LRRTM4: variants seen among roughly 807,000 people sequenced by gnomAD.
LRRTM4 encodes the protein leucine rich repeat transmembrane neuronal 4.
A neutral mutation model predicts 47.6 loss-of-function variants in LRRTM4; 25 were observed. The observed-to-expected ratio is 0.53, with a 90% CI of 0.38 to 0.73. The LOEUF (loss-of-function observed/expected upper bound fraction) is 0.73. Among genes scored for constraint, LRRTM4 ranks in the 30% least tolerant of loss-of-function variants. LRRTM4 has a pLI of 0.00. For missense variants in LRRTM4, 638 were observed against 713.4 expected, an observed-to-expected ratio of 0.89 and a Z score of 1.20; for synonymous variants, 311 against 269.5, an observed-to-expected ratio of 1.15 and a Z score of -1.51.
chr2:77,217,446 T>TATATATATATATAC (rs1674486294), intron 3 of LRRTM4, among the ~76,000 whole-genome samples: 1 of 130,692 alleles, frequency 7.7e-6, no homozygotes, highest in East Asian at 2.2e-4. Flanking sequence ...ATGAAATATA[T>TATATATATATATAC]ATATATATAT....
rs150252583 is a variant in LRRTM4, at chr2:77,170,840, T to TTATA, written c.1551+347474_1551+347477dup. ...TATGTATGTATGTTTGTATAAAACCTTATATATATATATATACTTTATTTA... is the reference window on the plus strand; with the variant it reads ...TATGTATGTATGTTTGTATAAAACCTTATATATATATATATATATACTTTATTTA... On this transcript the variant is annotated intron_variant, in intron 3 of 3. Coordinates refer to ENST00000409884, the MANE Select transcript of LRRTM4 (RefSeq NM_001134745.3). Among the ~76,000 whole-genome samples the TTATA allele has an allele frequency of 9.8e-3, 1,462 of 149,234 alleles. 28 individuals are homozygous for TTATA. Among genetic ancestry groups the TTATA allele is most frequent in the African/African-American group, 0.035 (1,409 of 40,810 alleles).
At chr2:77,054,309 C>A (rs907386956) in intron 3 of LRRTM4, among the ~76,000 whole-genome samples, 1 of 151,554 alleles carries the variant, frequency 6.6e-6, no homozygotes, top group East Asian at 1.9e-4. Flanking sequence ...TTACATTGTA[C>A]ATTGTTCAAA....
At chr2:76,945,980 CATG>C (rs1675310054) in intron 3 of LRRTM4, among the ~76,000 whole-genome samples, 1 of 151,766 alleles carries the variant, frequency 6.6e-6, no homozygotes, top group Admixed American at 6.6e-5. Flanking sequence ...TTAAAATAGC[CATG>C]ATATTTTAAC....
chr2:77,298,599 G>A (rs900480969), intron 3 of LRRTM4, among the ~76,000 whole-genome samples: 1 of 152,136 alleles, frequency 6.6e-6, no homozygotes, highest in African/African-American at 2.4e-5. Context: ...TGGAACCCAT[G>A]AACAGATGTC....
chr2:76,875,830 A>G (rs1488881968), intron 3 of LRRTM4, among the ~76,000 whole-genome samples: 2 of 152,130 alleles, frequency 1.3e-5, no homozygotes, highest in African/African-American at 4.8e-5. Context: ...ATTCTTTCAA[A>G]GGCATCAATG....
At chr2:76,909,933 T>C (rs546796840) in intron 3 of LRRTM4, among the ~76,000 whole-genome samples, 108 of 152,302 alleles carry the variant, frequency 7.1e-4, no homozygotes, top group Non-Finnish European at 3.1e-4. Context: ...TGGAAGTCAG[T>C]GTGGTGATTC....
chr2:77,160,975 A>C (rs746194632), intron 3 of LRRTM4, among the ~76,000 whole-genome samples: 1 of 152,144 alleles, frequency 6.6e-6, no homozygotes, highest in Non-Finnish European at 1.5e-5. Context: ...TACATGAAAG[A>C]TTAAGGAATT....
At chr2:77,154,507 T>C (rs956356377) in intron 3 of LRRTM4, among the ~76,000 whole-genome samples, 1 of 152,098 alleles carries the variant, frequency 6.6e-6, no homozygotes, top group African/African-American at 2.4e-5. Context: ...ATGGGCACTT[T>C]CTAAAACTGC....
intron 3 of LRRTM4, among the ~76,000 whole-genome samples, chr2:77,479,005 C>T (rs1677545514): frequency 6.6e-6 from 1 of 152,108 alleles, no homozygotes; most frequent in African/African-American, 2.4e-5. Flanking sequence ...AGCAATTCTC[C>T]TGCCTCAGCC....
At chr2:77,187,835 G>T (rs1329395553) in intron 3 of LRRTM4, among the ~76,000 whole-genome samples, 1 of 151,648 alleles carries the variant, frequency 6.6e-6, no homozygotes, top group Non-Finnish European at 1.5e-5. Flanking sequence ...GAAAAATCAA[G>T]GGACAAAAAA....
At chr2:77,162,214 C>T (rs751610155) in intron 3 of LRRTM4, among the ~76,000 whole-genome samples, 7 of 152,162 alleles carry the variant, frequency 4.6e-5, no homozygotes, top group Non-Finnish European at 7.3e-5. Flanking sequence ...CACGGAGCCT[C>T]GCTCACTGCT....
At chr2:76,797,802 C>G (rs1209244984) in intron 3 of LRRTM4, among the ~76,000 whole-genome samples, 25 of 150,536 alleles carry the variant, frequency 1.7e-4, no homozygotes, top group Admixed American at 1.7e-3. Context: ...CAAAAAAAGG[C>G]AGGGGTTGCA....
intron 3 of LRRTM4, among the ~76,000 whole-genome samples, chr2:76,803,992 C>A (rs1007859182): frequency 6.6e-6 from 1 of 152,200 alleles, no homozygotes; most frequent in Non-Finnish European, 1.5e-5. Flanking sequence ...GTTGTCACAA[C>A]TCATTGCTTG....
intron 3 of LRRTM4, among the ~76,000 whole-genome samples, chr2:76,795,738 T>C (rs1675264833): frequency 6.6e-6 from 1 of 152,114 alleles, no homozygotes; most frequent in Admixed American, 6.5e-5. Flanking sequence ...TGGATACTCA[T>C]TTTATGAGGC....
chr2:77,123,244 A>AGAGAGAGAGAGAGAGAG (rs1553393782), intron 3 of LRRTM4, among the ~76,000 whole-genome samples: 16 of 151,326 alleles, frequency 1.1e-4, no homozygotes, highest in Admixed American at 3.3e-4. Context: ...AGAGAGAGAG[A>AGAGAGAGAGAGAGAGAG]AATTTAATTC....
intron 3 of LRRTM4, among the ~76,000 whole-genome samples, chr2:77,148,457 C>T (rs1672332049): frequency 6.6e-6 from 1 of 152,072 alleles, no homozygotes; most frequent in African/African-American, 2.4e-5. Context: ...AGATATACAA[C>T]TAGTTGGCAT....
intron 3 of LRRTM4, among the ~76,000 whole-genome samples, chr2:77,390,481 T>C (rs1273945705): frequency 6.6e-6 from 1 of 152,016 alleles, no homozygotes; most frequent in Non-Finnish European, 1.5e-5. Context: ...TCAAGAAACA[T>C]CTTGAATTAT....
At chr2:76,759,815 G>A (rs915957914) in intron 3 of LRRTM4, among the ~76,000 whole-genome samples, 1 of 152,032 alleles carries the variant, frequency 6.6e-6, no homozygotes, top group Non-Finnish European at 1.5e-5. Context: ...CATGCTTCTA[G>A]AGGGGCCTTC....
chr2:77,393,467 C>G (rs1011366800), intron 3 of LRRTM4, among the ~76,000 whole-genome samples: 1 of 151,954 alleles, frequency 6.6e-6, no homozygotes, highest in Non-Finnish European at 1.5e-5. Flanking sequence ...TCCTTCCAGG[C>G]AAAAGGATGA....
Sources: gnomAD v4.1 joint callset for allele counts (sites outside exome capture counted in the v4.1 genomes callset) on GRCh38, gnomAD v4.1.1 for gene constraint, MANE v1.5 for transcripts, NCBI Gene and HGNC (gene_info 2026-07-23, HGNC 2026-07-21) for gene names.